SEPTIN14: variants seen among roughly 807,000 people sequenced by gnomAD.
The protein encoded by SEPTIN14 is septin 14, also known as septin-14.
SEPTIN14 carries 40 observed loss-of-function variants against 53.6 expected under a neutral mutation model. The ratio of observed to expected loss-of-function variants is 0.75; its 90% CI spans 0.58 to 0.97. SEPTIN14 has a LOEUF of 0.97. Ranked by LOEUF, SEPTIN14 falls within the 50% of genes least tolerant of loss-of-function variation. SEPTIN14 has a pLI of 0.00. For synonymous variants in SEPTIN14, 138 were observed against 166.8 expected (o/e 0.83, Z 1.33); for missense variants, 471 against 508.2 (o/e 0.93, Z 0.70).
intron 3 of SEPTIN14, among the ~76,000 whole-genome samples, chr7:55,845,346 A>G (rs1318061624): frequency 6.6e-6 from 1 of 152,028 alleles, no homozygotes; most frequent in African/African-American, 2.4e-5. Flanking sequence ...AAAATATGGT[A>G]CATATACACC....
At chr7:55,845,372 G>C (rs1789385589) in intron 3 of SEPTIN14, among the ~76,000 whole-genome samples, 1 of 152,084 alleles carries the variant, frequency 6.6e-6, no homozygotes, top group Non-Finnish European at 1.5e-5. Flanking sequence ...ATACTACACA[G>C]CCATGAAAAA....
At position 55,807,195 on chromosome 7, in the gene SEPTIN14, T is replaced by C. The variant is rs748843351; in HGVS notation, c.881A>G (p.Glu294Gly). The change falls in exon 8 of 10, where the codon GAA (glutamate) becomes GGA (glycine). Residue 294 changes from glutamate (E) to glycine (G), a missense_variant. By Grantham distance (98) the Glu-to-Gly change is moderately conservative. Transcript: ENST00000388975. ...LRDMLLCTNM[E>G]NLKEKTHTQH... ...AGTGTGGGTTTTTTCTTTTAGATTT[T>C]CCATATTGGTACAAAGAAGCATATC... 1.2e-6 allele frequency: 2 copies of C among 1,609,832 alleles called. No homozygotes were observed. The highest frequency in any genetic ancestry group is 2.2e-5 in the South Asian group (2 of 90,154).
intron 7 of SEPTIN14, 89 bp from the exon 8 acceptor site, chr7:55,807,347 A>G (rs1788627081): frequency 1.4e-5 from 11 of 790,340 alleles, no homozygotes; most frequent in Middle Eastern, 4.7e-4. Context: ...TGAATAAAAA[A>G]CACATTTAAA....
intron 7 of SEPTIN14, among the ~76,000 whole-genome samples, chr7:55,817,700 G>A (rs2115989585): frequency 6.6e-6 from 1 of 152,074 alleles, no homozygotes; most frequent in Non-Finnish European, 1.5e-5. Flanking sequence ...TCAATCTCCT[G>A]ACCTCATGAT....
chr7:55,815,329 A>G (rs555806196), intron 7 of SEPTIN14, among the ~76,000 whole-genome samples: 19 of 152,330 alleles, frequency 1.2e-4, no homozygotes, highest in Admixed American at 3.3e-4. Flanking sequence ...AACAAAGTGA[A>G]GAAACAATAC....
At chr7:55,826,222 A>G (rs1584260589) in intron 6 of SEPTIN14, among the ~76,000 whole-genome samples, 1 of 152,188 alleles carries the variant, frequency 6.6e-6, no homozygotes, top group Non-Finnish European at 1.5e-5. Flanking sequence ...CAAGTATACA[A>G]TGTTGTATAT....
At chr7:55,811,870 T>C (rs1218948842) in intron 7 of SEPTIN14, among the ~76,000 whole-genome samples, 5 of 151,716 alleles carry the variant, frequency 3.3e-5, no homozygotes, top group African/African-American at 4.8e-5. Context: ...CTCGGCTCAC[T>C]GCCACCTCCG....
chr7:55,847,615 A>G lies in SEPTIN14; in HGVS notation c.55-978T>C, dbSNP rs1789436719. Among the ~76,000 whole-genome samples, 4 of 152,192 alleles carry G rather than the reference A, an allele frequency of 2.6e-5. No homozygotes were observed. The South Asian group carries it at 8.3e-4, about 31-fold the overall frequency. On this transcript the variant is annotated intron_variant, in intron 2 of 9. Transcript: ENST00000388975. Reference sequence around the variant, plus strand: ...AAATATCTCATGTAATTTATCAAACAAAGTGAAAAACAGCACTATTATAGA... The same window carrying G: ...AAATATCTCATGTAATTTATCAAACGAAGTGAAAAACAGCACTATTATAGA...
chr7:55,824,765 G>T (rs942676141), intron 6 of SEPTIN14, among the ~76,000 whole-genome samples: 2 of 151,970 alleles, frequency 1.3e-5, no homozygotes, highest in Non-Finnish European at 1.5e-5. Context: ...CTCCAGCCTG[G>T]GTGACAAGAA....
At position 55,805,183 on chromosome 7, in the gene SEPTIN14, T is replaced by C; in HGVS notation, c.1119+75A>G. The C allele has an allele frequency of 2.2e-6, 3 of 1,350,068 alleles. No homozygotes were observed. The South Asian group carries it at 3.8e-5, about 17-fold the overall frequency. 83.6% of individuals were successfully genotyped at this position (1,350,068 alleles called of 1,614,324 possible). A position where few individuals can be genotyped will look rare whatever the true frequency, so the allele number is the denominator to read the frequency against. On this transcript the variant is annotated intron_variant, in intron 9 of 9. Coordinates refer to ENST00000388975, the MANE Select transcript of SEPTIN14 (RefSeq NM_207366.3). Reference sequence around the variant, plus strand: ...TATCCTCCAAAAACATCAAGTAAACTCTTGAGATTAAAACCCCCAAATTAA... The same window carrying C: ...TATCCTCCAAAAACATCAAGTAAACCCTTGAGATTAAAACCCCCAAATTAA...
chr7:55,844,729 CAT>C lies in SEPTIN14; in HGVS notation c.176-13_176-12del. 1 of 1,486,054 alleles carries C rather than the reference CAT, an allele frequency of 6.7e-7. No individual in the cohort carries two copies. Among genetic ancestry groups the C allele is most frequent in the Non-Finnish European group, 9.2e-7 (1 of 1,085,730 alleles). 92.1% of individuals were successfully genotyped at this position (1,486,054 alleles called of 1,614,324 possible). A position where few individuals can be genotyped will look rare whatever the true frequency, so the allele number is the denominator to read the frequency against. On this transcript the variant is annotated splice_polypyrimidine_tract_variant and intron_variant, in intron 3 of 9. Coordinates refer to ENST00000388975, the MANE Select transcript of SEPTIN14 (RefSeq NM_207366.3). ...CAATTCCAGTCTCCCCTGTAATAGA[CAT>C]AGAGTCATTGTCATAGGGACATAAA... is the stretch of plus-strand genomic sequence containing the variant.
At chr7:55,803,031 G>A (rs576238605) in intron 9 of SEPTIN14, among the ~76,000 whole-genome samples, 7 of 151,502 alleles carry the variant, frequency 4.6e-5, no homozygotes, top group South Asian at 4.2e-4. Context: ...TCTACCTCCC[G>A]GGTTCAAGTG....
At chr7:55,849,218 G>C (rs1331429029) in intron 2 of SEPTIN14, among the ~76,000 whole-genome samples, 2 of 150,342 alleles carry the variant, frequency 1.3e-5, no homozygotes, top group East Asian at 2.0e-4. Context: ...CCAGCTACTC[G>C]GGAGGCTGAG....
chr7:55,842,684 G>A (rs906315528), intron 5 of SEPTIN14, among the ~76,000 whole-genome samples: 10 of 151,874 alleles, frequency 6.6e-5, no homozygotes, highest in Admixed American at 2.6e-4. Context: ...AGGCCAAGGC[G>A]GGAGGATCAC....
intron 7 of SEPTIN14, among the ~76,000 whole-genome samples, chr7:55,809,343 G>A (rs890947974): frequency 1.2e-5 from 1 of 84,604 alleles, no homozygotes; most frequent in Non-Finnish European, 2.3e-5. Flanking sequence ...GTTAGTATAT[G>A]TGCTGCTAAA....
rs552114437 is a variant in SEPTIN14 at position 55,798,703 on chromosome 7, G to T, written c.1120-2611C>A. 2.0e-5 allele frequency: 5 copies of T among 255,174 alleles called. No homozygotes were observed. The East Asian group carries it at 3.4e-4, about 17-fold the overall frequency. The allele number at this position is 255,174 out of a possible 1,614,324, so 15.8% of individuals were successfully genotyped here. A position where few individuals can be genotyped will look rare whatever the true frequency, so the allele number is the denominator to read the frequency against. The stretch of plus-strand genomic sequence containing the variant: ...AGTGTCACCCCAACCAGGACAACTG[G>T]ACCGTCAGCCAGATCCTGGGCGAGT... On this transcript the variant is annotated intron_variant, in intron 9 of 9. Coordinates refer to ENST00000388975, the MANE Select transcript of SEPTIN14 (RefSeq NM_207366.3).
At chr7:55,807,407 T>G (rs111264489) in intron 7 of SEPTIN14, 149 bp from the exon 8 acceptor site, 1 of 572,662 alleles carries the variant, frequency 1.7e-6, no homozygotes. Context: ...CTTTTAAGCA[T>G]GTAAGTGTGG....
intron 2 of SEPTIN14, among the ~76,000 whole-genome samples, chr7:55,851,072 T>C (rs569199297): frequency 1.1e-4 from 17 of 152,262 alleles, no homozygotes; most frequent in African/African-American, 3.6e-4. Flanking sequence ...AGTGAAACTC[T>C]TGTCTCACAA....
intron 6 of SEPTIN14, among the ~76,000 whole-genome samples, chr7:55,830,349 A>ATATAT (rs71015108): frequency 7.7e-4 from 44 of 56,846 alleles, no homozygotes; most frequent in Middle Eastern, 0.028. Flanking sequence ...ATATATATAT[A>ATATAT]TTTTTTTTTT....
Sources: gnomAD v4.1 joint callset for allele counts (sites outside exome capture counted in the v4.1 genomes callset) on GRCh38, gnomAD v4.1.1 for gene constraint, MANE v1.5 for transcripts, NCBI Gene and HGNC (gene_info 2026-07-23, HGNC 2026-07-21) for gene names.